The following ADAMTS17 variants were observed in gnomAD, a reference collection of about 807,000 sequenced individuals.
ADAMTS17 encodes A disintegrin and metalloproteinase with thrombospondin motifs 17.
In ADAMTS17, 113 loss-of-function variants were observed where a neutral mutation model predicts 141.5. The observed-to-expected ratio is 0.80, with a 90% CI of 0.69 to 0.93. The LOEUF is 0.93. Among genes scored for constraint, ADAMTS17 ranks in the 40% least tolerant of loss-of-function variants. ADAMTS17 has a pLI of 0.00. For missense variants in ADAMTS17, 1,659 were observed against 1,517.9 expected, an observed-to-expected ratio of 1.09 and a Z score of -1.54; for synonymous variants, 768 against 630.6, an observed-to-expected ratio of 1.22 and a Z score of -3.27.
intron 15 of ADAMTS17, among the ~76,000 whole-genome samples, chr15:100,078,173 T>C (rs1403801962): frequency 1.3e-5 from 2 of 151,972 alleles, no homozygotes; most frequent in African/African-American, 2.4e-5. Flanking sequence ...GCTTCACAAA[T>C]TGGTCTACAG....
rs574877864 is a variant in ADAMTS17, at chr15:99,973,977, G to T, written c.*425C>A. The T allele has an allele frequency of 3.2e-3, 888 of 278,720 alleles. 24 individuals are homozygous for T. The highest frequency in any genetic ancestry group is 0.028 in the South Asian group (777 of 27,766). The allele number at this position is 278,720 out of a possible 1,614,324, so 17.3% of individuals were successfully genotyped here. On this transcript the variant is annotated 3_prime_UTR_variant, in exon 22 of 22. Transcript: ENST00000268070. Reference sequence around the variant, plus strand: ...CAACACCTGCCCCTCCCTCCATGGTGTCGCCGGCTTTCAGAATAAAGCCTT... The same window carrying T: ...CAACACCTGCCCCTCCCTCCATGGTTTCGCCGGCTTTCAGAATAAAGCCTT...
intron 15 of ADAMTS17, among the ~76,000 whole-genome samples, chr15:100,074,593 A>G (rs1458388193): frequency 6.6e-6 from 1 of 151,812 alleles, no homozygotes; most frequent in East Asian, 1.9e-4. Context: ...TGGTGATAGC[A>G]TATTATTTTA....
At chr15:100,293,950 G>A (rs1036814077) in intron 3 of ADAMTS17, among the ~76,000 whole-genome samples, 2 of 152,296 alleles carry the variant, frequency 1.3e-5, no homozygotes, top group Admixed American at 6.5e-5. Context: ...AACACTAGTC[G>A]TAAGGTGCCC....
At chr15:100,006,375 T>C (rs1290284459) in intron 18 of ADAMTS17, among the ~76,000 whole-genome samples, 1 of 152,214 alleles carries the variant, frequency 6.6e-6, no homozygotes, top group Non-Finnish European at 1.5e-5. Flanking sequence ...AAAATTCAAT[T>C]TCTATTTACA....
At position 99,996,714 on chromosome 15, in the gene ADAMTS17, G is replaced by T. The variant is rs35078878; in HGVS notation, c.2796+671C>A. On this transcript the variant is annotated intron_variant, in intron 19 of 21. Coordinates refer to ENST00000268070, the MANE Select transcript of ADAMTS17 (RefSeq NM_139057.4). ...AAGAGTGTCTTGGATGAGCGTCTCT[G>T]AGTTTTCTAGACTACGCTGGTGGAA... Among the ~76,000 whole-genome samples, 244 of 152,170 alleles carry T rather than the reference G, an allele frequency of 1.6e-3. 4 individuals are homozygous for T. In the East Asian group the frequency reaches 0.044, roughly 27 times the overall value.
At chr15:100,326,335 A>T (rs2045900246) in intron 3 of ADAMTS17, among the ~76,000 whole-genome samples, 1 of 152,226 alleles carries the variant, frequency 6.6e-6, no homozygotes, top group African/African-American at 2.4e-5. Context: ...AGCAAAGAAC[A>T]CTGGATACAC....
intron 18 of ADAMTS17, among the ~76,000 whole-genome samples, chr15:100,011,003 G>A (rs959597934): frequency 1.3e-5 from 2 of 152,032 alleles, no homozygotes; most frequent in South Asian, 2.1e-4. Flanking sequence ...GAATGTGCGC[G>A]TCTCCGGAAG....
At position 99,975,461 on chromosome 15, in the gene ADAMTS17, C is replaced by T. The variant is rs145592903; in HGVS notation, c.3127+584G>A. The stretch of plus-strand genomic sequence containing the variant: ...CTGACCTCAGGTGATCCACCCATCT[C>T]GGCCTCCCAAAGTGCTGGGATTTAC... On this transcript the variant is annotated intron_variant, in intron 21 of 21. Transcript: ENST00000268070. Among the ~76,000 whole-genome samples, 1,059 of 152,236 alleles carry T rather than the reference C, an allele frequency of 7.0e-3. 13 individuals carry two copies. Among genetic ancestry groups the T allele is most frequent in the African/African-American group, 0.024 (999 of 41,544 alleles).
At chr15:100,050,381 G>T (rs1344605589) in intron 17 of ADAMTS17, among the ~76,000 whole-genome samples, 1 of 152,196 alleles carries the variant, frequency 6.6e-6, no homozygotes, top group African/African-American at 2.4e-5. Context: ...TTTGGAGGTT[G>T]AAAGGCCATC....
At chr15:100,290,555 A>C (rs546516820) in intron 3 of ADAMTS17, among the ~76,000 whole-genome samples, 4 of 152,360 alleles carry the variant, frequency 2.6e-5, no homozygotes, top group African/African-American at 7.2e-5. Context: ...AGCTAAAGCA[A>C]TTCTAAGCAA....
chr15:100,239,528 A>G (rs2042763326), intron 7 of ADAMTS17, among the ~76,000 whole-genome samples: 1 of 152,104 alleles, frequency 6.6e-6, no homozygotes, highest in Non-Finnish European at 1.5e-5. Flanking sequence ...GATGCCCCTG[A>G]GCGGGGCAGC....
intron 3 of ADAMTS17, among the ~76,000 whole-genome samples, chr15:100,316,207 T>A (rs1346243454): frequency 6.6e-6 from 1 of 152,132 alleles, no homozygotes; most frequent in Non-Finnish European, 1.5e-5. Flanking sequence ...CAGGATGCCC[T>A]CCTGAGGTAC....
At chr15:100,332,015 A>G (rs2046068373) in intron 2 of ADAMTS17, among the ~76,000 whole-genome samples, 1 of 152,232 alleles carries the variant, frequency 6.6e-6, no homozygotes, top group African/African-American at 2.4e-5. Context: ...ACCAGTACCA[A>G]GATTCCTGGA....
intron 15 of ADAMTS17, among the ~76,000 whole-genome samples, chr15:100,078,465 G>A (rs550489244): frequency 2.0e-5 from 3 of 152,132 alleles, no homozygotes; most frequent in East Asian, 3.9e-4. Context: ...AATATTCATC[G>A]GGGAAAGAAC....
At chr15:99,999,480 G>A (rs2060874297) in intron 18 of ADAMTS17, among the ~76,000 whole-genome samples, 1 of 152,068 alleles carries the variant, frequency 6.6e-6, no homozygotes, top group South Asian at 2.1e-4. Context: ...CAAGGCAGAG[G>A]TCACAGGGGT....
At chr15:100,296,179 C>T (rs1163146885) in intron 3 of ADAMTS17, among the ~76,000 whole-genome samples, 9 of 152,052 alleles carry the variant, frequency 5.9e-5, no homozygotes, top group Non-Finnish European at 1.0e-4. Flanking sequence ...TTTCAGGTGT[C>T]GTACCGAGTT....
At chr15:100,189,160 C>A (rs112677051) in intron 8 of ADAMTS17, among the ~76,000 whole-genome samples, 1 of 152,334 alleles carries the variant, frequency 6.6e-6, no homozygotes, top group African/African-American at 2.4e-5. Context: ...GTGCAAGGCA[C>A]GAGTTGAAGT....
chr15:99,987,205 G>A (rs1028715790), intron 20 of ADAMTS17, among the ~76,000 whole-genome samples: 2 of 152,346 alleles, frequency 1.3e-5, no homozygotes, highest in Middle Eastern at 3.4e-3. Flanking sequence ...ACCTTGGGGT[G>A]AAGTGAGAGG....
At chr15:100,322,106 G>T (rs1286489624) in intron 3 of ADAMTS17, among the ~76,000 whole-genome samples, 2 of 152,158 alleles carry the variant, frequency 1.3e-5, no homozygotes, top group African/African-American at 4.8e-5. Flanking sequence ...CTGAAGGTTG[G>T]AAGATGTGGG....
Sources: gnomAD v4.1 joint callset for allele counts (sites outside exome capture counted in the v4.1 genomes callset) on GRCh38, gnomAD v4.1.1 for gene constraint, MANE v1.5 for transcripts, NCBI Gene and HGNC (gene_info 2026-07-23, HGNC 2026-07-21) for gene names.